CERS6: variants seen among roughly 807,000 people sequenced by gnomAD.
CERS6 encodes the protein ceramide synthase 6, also known as LAG1 homolog, ceramide synthase 6.
Under a neutral mutation model 56.8 loss-of-function variants are expected in CERS6, and 26 were observed. That is an observed-to-expected ratio of 0.46 (90% CI 0.34 to 0.63). CERS6 has a LOEUF of 0.63. CERS6 is among the 30% of genes least tolerant of loss of function. The probability of loss-of-function intolerance (pLI) is 0.01; values close to 1 mark genes in which losing one functional copy is unlikely to be tolerated. For missense variants in CERS6, 415 were observed against 467.5 expected (o/e 0.89, Z 1.04); for synonymous variants, 164 against 173.3 (o/e 0.95, Z 0.42).
intron 3 of CERS6, among the ~76,000 whole-genome samples, chr2:168,564,361 A>G (rs1454018435): frequency 1.2e-4 from 19 of 152,138 alleles, no homozygotes; most frequent in Non-Finnish European, 1.5e-5. Context: ...TTCTTTGTAA[A>G]TTCGCCATTA....
intron 8 of CERS6, among the ~76,000 whole-genome samples, chr2:168,754,200 G>A (rs1309958447): frequency 6.6e-6 from 1 of 152,166 alleles, no homozygotes; most frequent in Non-Finnish European, 1.5e-5. Flanking sequence ...AAGGAAGTTG[G>A]AAGGAAGGAG....
intron 3 of CERS6, among the ~76,000 whole-genome samples, chr2:168,579,750 C>T (rs186205691): frequency 1.1e-4 from 17 of 152,282 alleles, no homozygotes; most frequent in African/African-American, 4.1e-4. Flanking sequence ...CTGCAGGGCT[C>T]TTCATGGTCC....
chr2:168,554,286 A>C (rs1695636592), intron 2 of CERS6, among the ~76,000 whole-genome samples: 1 of 152,222 alleles, frequency 6.6e-6, no homozygotes, highest in Admixed American at 6.5e-5. Context: ...AATAAAAACT[A>C]ATTCAGGCTT....
At position 168,765,628 on chromosome 2, in the gene CERS6, C is replaced by G. The variant is rs533838833; in HGVS notation, c.882C>G (p.Ile294Met). ...CCACATTATTTGAAAGCTGGGAGAT[C>G]GTTGGACCTTACCCTTCCTGGTGGG... Reference protein sequence around the residue: ...LNTTLFESWEIVGPYPSWWVF... With the variant: ...LNTTLFESWEMVGPYPSWWVF... The change falls in exon 9 of 10, where the codon ATC (isoleucine) becomes ATG (methionine). Residue 294 changes from isoleucine (I) to methionine (M), a missense_variant. Physicochemically the swap from Ile to Met is conservative, Grantham distance 10 (BLOSUM62 1). Coordinates refer to ENST00000305747, the MANE Select transcript of CERS6 (RefSeq NM_203463.3). 6.2e-7 allele frequency: 1 copy of G among 1,614,038 alleles called. No homozygotes were observed. The highest frequency in any genetic ancestry group is 8.5e-7 in the Non-Finnish European group (1 of 1,179,940).
rs1277120665 is a variant in CERS6, at chr2:168,588,043, A to C, written c.407+26721A>C. Among the ~76,000 whole-genome samples the C allele has an allele frequency of 4.7e-5, 7 of 150,522 alleles. No individual in the cohort carries two copies. In the East Asian group the frequency reaches 9.8e-4, roughly 21 times the overall value. Reference sequence around the variant, plus strand: ...CTGGGCTCAGTGATCCTCCGGCCTCAGCTCAGACTGAAGATGTATGCCACC... The same window carrying C: ...CTGGGCTCAGTGATCCTCCGGCCTCCGCTCAGACTGAAGATGTATGCCACC... On this transcript the variant is annotated intron_variant, in intron 3 of 9. Transcript: ENST00000305747.
intron 3 of CERS6, among the ~76,000 whole-genome samples, chr2:168,604,610 A>G (rs559310080): frequency 1.9e-4 from 29 of 152,298 alleles, no homozygotes; most frequent in African/African-American, 6.7e-4. Context: ...ATGGTTTAAC[A>G]TCATCCCTCC....
chr2:168,473,021 A>G (rs1486185734), intron 1 of CERS6, among the ~76,000 whole-genome samples: 2 of 152,106 alleles, frequency 1.3e-5, no homozygotes, highest in Non-Finnish European at 2.9e-5. Flanking sequence ...TTAAAAACGT[A>G]TCTTTTCATC....
At chr2:168,591,634 T>G (rs1683673797) in intron 3 of CERS6, among the ~76,000 whole-genome samples, 1 of 152,232 alleles carries the variant, frequency 6.6e-6, no homozygotes, top group Non-Finnish European at 1.5e-5. Context: ...TCACTGACAT[T>G]TAAATTTTAT....
chr2:168,726,375 T>C (rs1034186260), intron 8 of CERS6, among the ~76,000 whole-genome samples: 1 of 152,244 alleles, frequency 6.6e-6, no homozygotes. Context: ...ATGAGATACA[T>C]TTTTGGTGGT....
intron 4 of CERS6, among the ~76,000 whole-genome samples, chr2:168,639,315 C>T (rs1016511885): frequency 6.6e-6 from 1 of 152,194 alleles, no homozygotes; most frequent in Non-Finnish European, 1.5e-5. Context: ...CCAGAAGATT[C>T]AGGTAATTTG....
intron 3 of CERS6, among the ~76,000 whole-genome samples, chr2:168,592,773 C>G (rs1042496973): frequency 3.9e-5 from 6 of 152,124 alleles, no homozygotes; most frequent in African/African-American, 1.4e-4. Flanking sequence ...AATACCCATT[C>G]CTCTAATAAC....
chr2:168,520,095 A>G (rs889534241), intron 1 of CERS6, among the ~76,000 whole-genome samples: 3 of 152,120 alleles, frequency 2.0e-5, no homozygotes, highest in Non-Finnish European at 2.9e-5. Context: ...AACATCTGTT[A>G]GTTTTTGATT....
At chr2:168,592,680 G>T (rs1307350756) in intron 3 of CERS6, among the ~76,000 whole-genome samples, 1 of 152,096 alleles carries the variant, frequency 6.6e-6, no homozygotes, top group African/African-American at 2.4e-5. Context: ...TGTGCAGCAG[G>T]GTGGAGGGGT....
chr2:168,617,257 C>T (rs1307211413), intron 3 of CERS6, among the ~76,000 whole-genome samples: 1 of 151,996 alleles, frequency 6.6e-6, no homozygotes, highest in Non-Finnish European at 1.5e-5. Flanking sequence ...GGTTCATAGC[C>T]CTAAATGCCT....
At chr2:168,613,314 A>G (rs974336976) in intron 3 of CERS6, among the ~76,000 whole-genome samples, 4 of 152,196 alleles carry the variant, frequency 2.6e-5, no homozygotes, top group African/African-American at 9.6e-5. Flanking sequence ...ATTGCCCAGC[A>G]TACAGGGAGT....
chr2:168,572,453 A>C (rs1398279632), intron 3 of CERS6, among the ~76,000 whole-genome samples: 1 of 152,096 alleles, frequency 6.6e-6, no homozygotes, highest in East Asian at 1.9e-4. Flanking sequence ...CCACACAGCT[A>C]CTAAGCAGCA....
chr2:168,657,649 G>A (rs1026608286), intron 4 of CERS6, among the ~76,000 whole-genome samples: 17 of 152,242 alleles, frequency 1.1e-4, no homozygotes, highest in African/African-American at 4.1e-4. Flanking sequence ...ACTGCTGGGG[G>A]ACTCAGTACA....
intron 4 of CERS6, among the ~76,000 whole-genome samples, chr2:168,677,284 C>G (rs1686089426): frequency 1.3e-5 from 2 of 151,934 alleles, no homozygotes; most frequent in East Asian, 1.9e-4. Context: ...GTTTTCTGTT[C>G]CTGTGTTAGT....
intron 3 of CERS6, among the ~76,000 whole-genome samples, chr2:168,563,746 A>G (rs955928114): frequency 9.9e-5 from 15 of 152,126 alleles, no homozygotes; most frequent in Non-Finnish European, 2.1e-4. Context: ...GCAGTGAGCC[A>G]AGATTGCACC....
Sources: gnomAD v4.1 joint callset for allele counts (sites outside exome capture counted in the v4.1 genomes callset) on GRCh38, gnomAD v4.1.1 for gene constraint, MANE v1.5 for transcripts, NCBI Gene and HGNC (gene_info 2026-07-23, HGNC 2026-07-21) for gene names.